GLS: variants seen among roughly 807,000 people sequenced by gnomAD.
GLS encodes the protein glutaminase.
In GLS, 36 loss-of-function variants were observed where a neutral mutation model predicts 86.7. That is an observed-to-expected ratio of 0.42 (90% CI 0.32 to 0.55). GLS has a LOEUF of 0.55. GLS is among the 20% of genes least tolerant of loss of function. The probability of loss-of-function intolerance (pLI) is 0.17; values close to 1 mark genes in which losing one functional copy is unlikely to be tolerated. For missense variants in GLS, 528 were observed against 833.4 expected (o/e 0.63, Z 4.51); for synonymous variants, 317 against 305.9 (o/e 1.04, Z -0.38).
chr2:190,932,964 C>G (rs1444452893), intron 14 of GLS: 1 of 1,276,032 alleles, frequency 7.8e-7, no homozygotes, highest in African/African-American at 1.5e-5. Context: ...ATTTTTTGTT[C>G]TCAATCTTGG....
intron 1 of GLS, among the ~76,000 whole-genome samples, chr2:190,890,191 T>A (rs1688514887): frequency 6.6e-6 from 1 of 152,104 alleles, no homozygotes; most frequent in African/African-American, 2.4e-5. Flanking sequence ...AACATTTTCT[T>A]TCTTTTTTTA....
intron 1 of GLS, among the ~76,000 whole-genome samples, chr2:190,884,759 A>T (rs1399366096): frequency 1.3e-5 from 2 of 152,266 alleles, no homozygotes; most frequent in African/African-American, 4.8e-5. Context: ...GTTAGAAAAT[A>T]GATAATTCAT....
intron 4 of GLS, among the ~76,000 whole-genome samples, chr2:190,901,072 G>A (rs1303329836): frequency 6.6e-6 from 1 of 151,988 alleles, no homozygotes. Flanking sequence ...CATATAGAAA[G>A]TTTTCATTTT....
At chr2:190,896,648 T>C (rs989963179) in intron 3 of GLS, 2 of 152,212 alleles carry the variant, frequency 1.3e-5, no homozygotes, top group Admixed American at 6.5e-5. Context: ...ACTGTGGTTC[T>C]CTGAAGTTTC....
chr2:190,933,505 T>C (rs1690174725), intron 14 of GLS: 1 of 910,472 alleles, frequency 1.1e-6, no homozygotes, highest in South Asian at 5.1e-5. Context: ...TTGCAACTCC[T>C]CTGTTCTGTC....
At position 190,880,941 on chromosome 2, in the gene GLS, C is replaced by T. The variant is rs1432068393; in HGVS notation, c.-144C>T. 1.9e-6 allele frequency: 2 copies of T among 1,043,898 alleles called. No individual in the cohort carries two copies. Among genetic ancestry groups the T allele is most frequent in the South Asian group, 1.4e-5 (1 of 72,986 alleles). The allele number at this position is 1,043,898 out of a possible 1,614,324, so 64.7% of individuals were successfully genotyped here. On this transcript the variant is annotated 5_prime_UTR_variant, in exon 1 of 18. Transcript: ENST00000320717. ...CAGCACCCGCATCCGCTGCGGGAGTCCGAGCCGGAACCACACCCAAGTAGC... is the reference window on the plus strand; with the variant it reads ...CAGCACCCGCATCCGCTGCGGGAGTTCGAGCCGGAACCACACCCAAGTAGC...
chr2:190,916,320 T>A (rs1177338914), intron 7 of GLS, among the ~76,000 whole-genome samples: 1 of 152,178 alleles, frequency 6.6e-6, no homozygotes, highest in Non-Finnish European at 1.5e-5. Context: ...TTATTTTTGT[T>A]AACATCTGTT....
chr2:190,908,226 A>C (rs931743268), intron 6 of GLS, among the ~76,000 whole-genome samples: 3 of 152,234 alleles, frequency 2.0e-5, no homozygotes, highest in Non-Finnish European at 4.4e-5. Flanking sequence ...GTAAAATTCC[A>C]ATATAATACC....
intron 17 of GLS, among the ~76,000 whole-genome samples, chr2:190,957,263 T>C (rs549069568): frequency 6.6e-4 from 100 of 152,294 alleles, no homozygotes; most frequent in African/African-American, 2.4e-3. Context: ...AGCTAATTTT[T>C]GTATTTTTAG....
chr2:190,902,200 CATT>C (rs1012699855), intron 5 of GLS, among the ~76,000 whole-genome samples, 174 bp downstream of exon 5: 16 of 152,008 alleles, frequency 1.1e-4, no homozygotes, highest in Admixed American at 5.9e-4. Context: ...CAAACAGTAA[CATT>C]ATATTAAGTT....
chr2:190,958,837 A>G (rs1437508826), intron 17 of GLS, among the ~76,000 whole-genome samples: 5 of 152,244 alleles, frequency 3.3e-5, no homozygotes, highest in East Asian at 3.9e-4. Context: ...ACTTCCAATT[A>G]TGTGGTTGGC....
At chr2:190,906,851 ATTACTG>A (rs932747237) in intron 6 of GLS, among the ~76,000 whole-genome samples, 7 of 152,014 alleles carry the variant, frequency 4.6e-5, no homozygotes, top group African/African-American at 1.7e-4. Flanking sequence ...AAATAAATAT[ATTACTG>A]TTACACCAGC....
chr2:190,926,437 T>G (rs1689898266), intron 11 of GLS, among the ~76,000 whole-genome samples: 1 of 152,220 alleles, frequency 6.6e-6, no homozygotes, highest in African/African-American at 2.4e-5. Context: ...CAAACCCCTT[T>G]GTGCCTCTTG....
Position 190,935,012 on chromosome 2 carries a change from T to A in GLS, c.1650+3375T>A, listed in dbSNP as rs1690229470. The A allele has an allele frequency of 4.2e-6, 4 of 950,642 alleles. No homozygotes were observed. Among genetic ancestry groups the A allele is most frequent in the Non-Finnish European group, 5.0e-6 (4 of 798,390 alleles). The allele number at this position is 950,642 out of a possible 1,614,324, so 58.9% of individuals were successfully genotyped here. On this transcript the variant is annotated intron_variant, in intron 14 of 17. Transcript: ENST00000320717. This position sits in a 1 kb window ranked among gnomAD's most constrained non-coding sequence, Gnocchi z 4.2. ...AGTACCCACTATTATTGGGTTTGTTTTATGCCATTATTGATTCTTGATATT... is the reference window on the plus strand; with the variant it reads ...AGTACCCACTATTATTGGGTTTGTTATATGCCATTATTGATTCTTGATATT...
chr2:190,911,201 A>G (rs764572443), intron 7 of GLS, among the ~76,000 whole-genome samples: 1 of 152,088 alleles, frequency 6.6e-6, no homozygotes, highest in South Asian at 2.1e-4. Context: ...TTGTAAATGC[A>G]TTACTGTGGA....
rs1689428330 is a variant in GLS, at chr2:190,913,604, C to T, written c.1038+3283C>T. ...TATTTTTATATGATGTAGCAGTATC[C>T]TTACGTATTTGTTTTCTTTTCACTG... On this transcript the variant is annotated intron_variant, in intron 7 of 17. Transcript: ENST00000320717. This position sits in a 1 kb window ranked among gnomAD's most constrained non-coding sequence, Gnocchi z 6.1. 3 of 968,100 alleles carry T rather than the reference C, an allele frequency of 3.1e-6. No individual in the cohort carries two copies. Among genetic ancestry groups the T allele is most frequent in the Non-Finnish European group, 3.7e-6 (3 of 814,302 alleles). 60.0% of individuals were successfully genotyped at this position (968,100 alleles called of 1,614,324 possible). A position where few individuals can be genotyped will look rare whatever the true frequency, so the allele number is the denominator to read the frequency against.
intron 11 of GLS, among the ~76,000 whole-genome samples, chr2:190,925,921 T>C (rs1028079901): frequency 6.6e-6 from 1 of 152,230 alleles, no homozygotes; most frequent in Non-Finnish European, 1.5e-5. Context: ...TATGTGAAAT[T>C]CCTTTGAAAC....
intron 7 of GLS, 81 bp downstream of exon 7, chr2:190,910,402 T>C: frequency 1.4e-6 from 1 of 693,862 alleles, no homozygotes; most frequent in Non-Finnish European, 2.5e-6. Flanking sequence ...TCTGGGATTA[T>C]TTATGTAGAA....
At chr2:190,893,229 G>A (rs1688622272) in intron 1 of GLS, among the ~76,000 whole-genome samples, 1 of 152,178 alleles carries the variant, frequency 6.6e-6, no homozygotes, top group African/African-American at 2.4e-5. Flanking sequence ...AAACTTGTTT[G>A]TACCTTATAA....
Sources: gnomAD v4.1 joint callset for allele counts (sites outside exome capture counted in the v4.1 genomes callset) on GRCh38, gnomAD v4.1.1 for gene constraint, Gnocchi (gnomAD v3.1) non-coding constraint, MANE v1.5 for transcripts, NCBI Gene and HGNC (gene_info 2026-07-23, HGNC 2026-07-21) for gene names.